ARSF: variants seen among roughly 807,000 people sequenced by gnomAD.
ARSF encodes arylsulfatase F.
ARSF carries 33 observed loss-of-function variants against 35.4 expected under a neutral mutation model. That is an observed-to-expected ratio of 0.93 (90% CI 0.71 to 1.25). The LOEUF is 1.25. ARSF is among the 50% of genes most tolerant of loss of function. The pLI, the probability that ARSF is intolerant of heterozygous loss-of-function variation, is 0.00. For missense variants in ARSF, 501 were observed against 480.2 expected (o/e 1.04, Z -0.40); for synonymous variants, 222 against 193.1 (o/e 1.15, Z -1.24).
rs138432797 is a variant in ARSF at position 3,048,376 on chromosome X, G to A, written c.-29+6713G>A. On this transcript the variant is annotated intron_variant, in intron 1 of 10. Transcript: ENST00000381127. Reference sequence around the variant, plus strand: ...AATTCCTTGTGGACAAAGGACAGACGGAACTCAAAGTCATCCTTCCAAGGC... The same window carrying A: ...AATTCCTTGTGGACAAAGGACAGACAGAACTCAAAGTCATCCTTCCAAGGC... 4.8e-3 allele frequency among the ~76,000 whole-genome samples: 536 copies of A among 112,143 alleles called. 3 individuals are homozygous for A. The highest frequency in any genetic ancestry group is 0.017 in the African/African-American group (511 of 30,932).
chrX:3,056,379 G>C (rs1024037681), intron 1 of ARSF, among the ~76,000 whole-genome samples: 2 of 107,643 alleles, frequency 1.9e-5, no homozygotes, highest in African/African-American at 6.8e-5. Flanking sequence ...GGGTTCAAGT[G>C]ATTCTCCTGT....
chrX:3,100,742 C>G (rs1049519402), intron 7 of ARSF, among the ~76,000 whole-genome samples: 1 of 110,729 alleles, frequency 9.0e-6, no homozygotes, highest in African/African-American at 3.3e-5. Context: ...GATTACAGGC[C>G]TGTGCCACCA....
intron 3 of ARSF, among the ~76,000 whole-genome samples, chrX:3,075,711 C>T (rs1227493739): frequency 1.9e-5 from 2 of 107,526 alleles, no homozygotes; most frequent in African/African-American, 6.8e-5. Context: ...TTCCCCCTTT[C>T]TCTGTCTGCT....
chrX:3,082,400 C>A (rs895173915), intron 5 of ARSF, among the ~76,000 whole-genome samples: 51 of 111,529 alleles, frequency 4.6e-4, no homozygotes, highest in African/African-American at 1.6e-3. Flanking sequence ...GTCTATCTAT[C>A]TACCTGTTTG....
intron 7 of ARSF, among the ~76,000 whole-genome samples, chrX:3,097,572 T>C (rs1243996354): frequency 8.9e-6 from 1 of 112,069 alleles, no homozygotes; most frequent in African/African-American, 3.2e-5. Context: ...CATAATCACC[T>C]ATCAAACATT....
Position 3,080,920 on chromosome X carries a change from A to T in ARSF, c.313A>T (p.Ile105Phe). Residue 105 changes from isoleucine to phenylalanine, a missense_variant, in exon 5 of 11, where the codon ATC becomes TTC. Coordinates refer to ENST00000381127, the MANE Select transcript of ARSF (RefSeq NM_001201539.2). The stretch of plus-strand genomic sequence containing the variant: ...GGTTTCTAGTGGTAATAGACGTGTC[A>T]TCCAAAATCTTGCAGTCCCCGCAGG... ...GMVSSGNRRVIQNLAVPAGLP... is the reference protein window; with the variant it reads ...GMVSSGNRRVFQNLAVPAGLP... The T allele has an allele frequency of 8.3e-7, 1 of 1,211,834 alleles. No individual in the cohort carries two copies. Among genetic ancestry groups the T allele is most frequent in the East Asian group, 3.0e-5 (1 of 33,859 alleles).
chrX:3,112,161 T>G lies in ARSF; in HGVS notation c.1391-13T>G, dbSNP rs1471905949. ...GTGCGCATCATTTGACGAGTCTCTC[T>G]TTTCTCCTCCAGGTGGGTCAGTTTG... On this transcript the variant is annotated splice_polypyrimidine_tract_variant and intron_variant, in intron 10 of 10. Transcript: ENST00000381127. 6 of 1,187,148 alleles carry G rather than the reference T, an allele frequency of 5.1e-6. No homozygotes were observed. The Admixed American group carries it at 1.1e-4, about 23-fold the overall frequency.
At position 3,106,432 on chromosome X, in the gene ARSF, G is replaced by A. The variant is rs2090411917; in HGVS notation, c.1265+2508G>A. On this transcript the variant is annotated intron_variant, in intron 9 of 10. Coordinates refer to ENST00000381127, the MANE Select transcript of ARSF (RefSeq NM_001201539.2). ...TGCTAATAGAGAATAGCTGTACTACGTAGAAGGGAACAAACAGCAAATTCA... is the reference window on the plus strand; with the variant it reads ...TGCTAATAGAGAATAGCTGTACTACATAGAAGGGAACAAACAGCAAATTCA... Among the ~76,000 whole-genome samples the A allele has an allele frequency of 2.7e-5, 3 of 111,552 alleles. No homozygotes were observed. In the Admixed American group the frequency reaches 2.9e-4, roughly 11 times the overall value.
chrX:3,053,628 T>G (rs2090005233), intron 1 of ARSF, among the ~76,000 whole-genome samples: 1 of 110,246 alleles, frequency 9.1e-6, no homozygotes, highest in Non-Finnish European at 1.9e-5. Context: ...GAGACAGAGT[T>G]TCACTCTTGT....
chrX:3,064,342 A>G (rs2090054430), intron 1 of ARSF, among the ~76,000 whole-genome samples: 1 of 112,374 alleles, frequency 8.9e-6, no homozygotes, highest in Non-Finnish European at 1.9e-5. Context: ...CCTAAACCAT[A>G]AAAACCCTAG....
At chrX:3,087,559 C>T (rs779964675) in intron 6 of ARSF, among the ~76,000 whole-genome samples, 1 of 112,130 alleles carries the variant, frequency 8.9e-6, no homozygotes, top group African/African-American at 3.2e-5. Context: ...TTAATTACCT[C>T]TGCAAAGGTC....
chrX:3,075,725 C>G (rs2090141722), intron 3 of ARSF, among the ~76,000 whole-genome samples: 1 of 107,280 alleles, frequency 9.3e-6, no homozygotes, highest in Admixed American at 1.0e-4. Context: ...GTCTGCTTGT[C>G]TCTCTATGTC....
intron 7 of ARSF, among the ~76,000 whole-genome samples, chrX:3,098,784 A>G (rs978918845): frequency 9.0e-6 from 1 of 111,299 alleles, no homozygotes; most frequent in Non-Finnish European, 1.9e-5. Flanking sequence ...TCAAATGGCA[A>G]TGGGGCAGGA....
intron 6 of ARSF, among the ~76,000 whole-genome samples, chrX:3,087,655 A>G (rs2090257629): frequency 9.4e-6 from 1 of 106,002 alleles, no homozygotes; most frequent in African/African-American, 3.5e-5. Context: ...TCAAACTACT[A>G]CAATTGTATC....
intron 7 of ARSF, among the ~76,000 whole-genome samples, chrX:3,100,253 A>G (rs2090366574): frequency 8.9e-6 from 1 of 112,307 alleles, no homozygotes; most frequent in African/African-American, 3.2e-5. Flanking sequence ...TATCAAATAA[A>G]TTATGTGAAC....
At chrX:3,083,484 ATCT>A (rs1267241612) in intron 5 of ARSF, among the ~76,000 whole-genome samples, 23 of 56,390 alleles carry the variant, frequency 4.1e-4, no homozygotes, top group Non-Finnish European at 7.9e-4. Context: ...CCTCTATCCT[ATCT>A]ATCTATCTAT....
chrX:3,097,769 G>A (rs1260027448), intron 7 of ARSF, among the ~76,000 whole-genome samples: 5 of 111,563 alleles, frequency 4.5e-5, no homozygotes, highest in African/African-American at 6.5e-5. Context: ...GGTGGCTCAC[G>A]CCTGTAATCC....
In ARSF at chrX:3,062,716, A is replaced by C. The variant is rs184162457; in HGVS notation, c.-28-5357A>C. On this transcript the variant is annotated intron_variant, in intron 1 of 10. Transcript: ENST00000381127. ...CTAGAAAATCTAGAAGAAATGGATA[A>C]ATTTCTGGACACATACACCCTCCCA... 8.9e-5 allele frequency among the ~76,000 whole-genome samples: 10 copies of C among 111,889 alleles called. 1 individual carries two copies. The East Asian group carries it at 2.8e-3, about 31-fold the overall frequency.
At chrX:3,085,229 T>C in intron 6 of ARSF, among the ~76,000 whole-genome samples, 2 of 108,895 alleles carry the variant, frequency 1.8e-5, no homozygotes, top group Middle Eastern at 4.7e-3. Flanking sequence ...TAATTTACAA[T>C]GCATCTTGTC....
Sources: gnomAD v4.1 joint callset for allele counts (sites outside exome capture counted in the v4.1 genomes callset) on GRCh38, gnomAD v4.1.1 for gene constraint, MANE v1.5 for transcripts, NCBI Gene and HGNC (gene_info 2026-07-23, HGNC 2026-07-21) for gene names.